MAPKAP1: variants seen among roughly 807,000 people sequenced by gnomAD.
MAPKAP1 encodes target of rapamycin complex 2 subunit MAPKAP1.
A neutral mutation model predicts 65.7 loss-of-function variants in MAPKAP1; 20 were observed. That is an observed-to-expected ratio of 0.30 (90% CI 0.21 to 0.44). The LOEUF is 0.44. Among genes scored for constraint, MAPKAP1 ranks in the 20% least tolerant of loss-of-function variants. The pLI, the probability that MAPKAP1 is intolerant of heterozygous loss-of-function variation, is 1.00. For missense variants in MAPKAP1, 423 were observed against 648.0 expected (o/e 0.65, Z 3.77); for synonymous variants, 222 against 244.3 (o/e 0.91, Z 0.85).
intron 4 of MAPKAP1, among the ~76,000 whole-genome samples, chr9:125,628,933 T>C (rs371320149): frequency 6.6e-6 from 1 of 152,188 alleles, no homozygotes; most frequent in East Asian, 1.9e-4. Context: ...AGGACTTGCA[T>C]AGATGTAAAA....
chr9:125,603,335 G>T (rs907850019), intron 4 of MAPKAP1, among the ~76,000 whole-genome samples: 6 of 152,154 alleles, frequency 3.9e-5, no homozygotes, highest in African/African-American at 1.4e-4. Flanking sequence ...TGGCTACCCA[G>T]GTGGCAGTAC....
At position 125,653,687 on chromosome 9, in the gene MAPKAP1, G is replaced by GT. The variant is rs1376301760; in HGVS notation, c.498+3963dup. On this transcript the variant is annotated intron_variant, in intron 4 of 11. Transcript: ENST00000265960. ...TAAGTAGCTAGACTGAAGTCACACC[G>GT]TAAGTGGAGCCATGGGGATTCGAAT... Among the ~76,000 whole-genome samples the GT allele has an allele frequency of 3.3e-5, 5 of 152,294 alleles. No homozygotes were observed. The East Asian group carries it at 9.6e-4, about 29-fold the overall frequency.
chr9:125,511,352 T>C (rs537756981), intron 7 of MAPKAP1, among the ~76,000 whole-genome samples: 2 of 152,324 alleles, frequency 1.3e-5, no homozygotes, highest in South Asian at 4.1e-4. Context: ...GTAAAGAGTT[T>C]ATAAACCCAC....
At chr9:125,630,886 G>A (rs1328685804) in intron 4 of MAPKAP1, among the ~76,000 whole-genome samples, 2 of 152,048 alleles carry the variant, frequency 1.3e-5, no homozygotes, top group Non-Finnish European at 2.9e-5. Flanking sequence ...CCAGGAGTTT[G>A]AGACCAGCCT....
chr9:125,655,957 T>C (rs1834022320), intron 4 of MAPKAP1, among the ~76,000 whole-genome samples: 1 of 152,190 alleles, frequency 6.6e-6, no homozygotes, highest in Non-Finnish European at 1.5e-5. Flanking sequence ...CTTCAGAAGT[T>C]AGATATATAC....
intron 4 of MAPKAP1, among the ~76,000 whole-genome samples, chr9:125,619,388 A>G (rs947467980): frequency 1.3e-5 from 2 of 152,180 alleles, no homozygotes; most frequent in African/African-American, 4.8e-5. Flanking sequence ...CATTTTGGAG[A>G]ATAGCTTGAA....
In MAPKAP1 at chr9:125,505,710, C is replaced by T. The variant is rs547478781; in HGVS notation, c.1066+600G>A. On this transcript the variant is annotated intron_variant, in intron 8 of 11. Coordinates refer to ENST00000265960, the MANE Select transcript of MAPKAP1 (RefSeq NM_001006617.3). ...GGAGCATTCCAGGTGGAAGAAATAGCCTGTGTAAAAGCCTCGAAGCAGGAA... is the reference window on the plus strand; with the variant it reads ...GGAGCATTCCAGGTGGAAGAAATAGTCTGTGTAAAAGCCTCGAAGCAGGAA... 4.6e-5 allele frequency among the ~76,000 whole-genome samples: 7 copies of T among 152,140 alleles called. No individual in the cohort carries two copies. In the South Asian group the frequency reaches 8.3e-4, roughly 18 times the overall value.
In MAPKAP1 at chr9:125,668,192, CAG is replaced by C. The variant is rs201161953; in HGVS notation, c.349+1624_349+1625del. Among the ~76,000 whole-genome samples, 33 of 152,304 alleles carry C rather than the reference CAG, an allele frequency of 2.2e-4. No homozygotes were observed. In the East Asian group the frequency reaches 6.0e-3, roughly 28 times the overall value. On this transcript the variant is annotated intron_variant, in intron 3 of 11. Transcript: ENST00000265960. ...AAGCACTTTACAGAGTGATTTAGCG[CAG>C]AGAGACTGGCCTTTATATGCAGGCA...
chr9:125,517,219 G>A (rs949052889), intron 7 of MAPKAP1, among the ~76,000 whole-genome samples: 1 of 152,178 alleles, frequency 6.6e-6, no homozygotes, highest in Non-Finnish European at 1.5e-5. Flanking sequence ...AGAATTGTAA[G>A]GTTTAGATGA....
intron 11 of MAPKAP1, among the ~76,000 whole-genome samples, chr9:125,442,396 T>C (rs1438791998): frequency 3.9e-5 from 6 of 152,296 alleles, no homozygotes; most frequent in African/African-American, 1.4e-4. Context: ...CTGCACTTGA[T>C]CTTCCACAGT....
intron 8 of MAPKAP1, among the ~76,000 whole-genome samples, chr9:125,500,391 C>T (rs1828939850): frequency 6.8e-6 from 1 of 147,520 alleles, no homozygotes; most frequent in South Asian, 2.2e-4. Flanking sequence ...GATGGGGTTT[C>T]ACCGTGTTAG....
chr9:125,593,138 T>C (rs1167231441), intron 4 of MAPKAP1, among the ~76,000 whole-genome samples: 1 of 151,136 alleles, frequency 6.6e-6, no homozygotes, highest in Non-Finnish European at 1.5e-5. Flanking sequence ...ATACTAAATA[T>C]ACTAAAAATA....
intron 4 of MAPKAP1, among the ~76,000 whole-genome samples, chr9:125,640,112 CT>C (rs1272696614): frequency 2.0e-5 from 3 of 150,808 alleles, no homozygotes; most frequent in African/African-American, 4.9e-5. Flanking sequence ...CTGTTTATCC[CT>C]TTTTTTTTGA....
In MAPKAP1 at chr9:125,543,705, T is replaced by C. The variant is rs190698586; in HGVS notation, c.849-537A>G. On this transcript the variant is annotated intron_variant, in intron 6 of 11. Coordinates refer to ENST00000265960, the MANE Select transcript of MAPKAP1 (RefSeq NM_001006617.3). ...AACGATTCTAGCGTGAGCAGTTCCA[T>C]GTGAGAGAGGTCACGCTTAGGGAAG... 3.3e-5 allele frequency among the ~76,000 whole-genome samples: 5 copies of C among 152,362 alleles called. No individual in the cohort carries two copies. The East Asian group carries it at 9.6e-4, about 29-fold the overall frequency.
chr9:125,667,975 G>T (rs988700805), intron 3 of MAPKAP1, among the ~76,000 whole-genome samples: 1 of 151,736 alleles, frequency 6.6e-6, no homozygotes, highest in African/African-American at 2.4e-5. Context: ...GTGAGATTTT[G>T]AAAGTATTCA....
intron 5 of MAPKAP1, among the ~76,000 whole-genome samples, chr9:125,566,321 T>C (rs1831049761): frequency 6.6e-6 from 1 of 152,150 alleles, no homozygotes; most frequent in Admixed American, 6.5e-5. Flanking sequence ...TCCTAGCACT[T>C]TGGGAGGTCA....
intron 4 of MAPKAP1, among the ~76,000 whole-genome samples, chr9:125,591,627 T>C (rs1275035171): frequency 6.6e-6 from 1 of 152,194 alleles, no homozygotes; most frequent in Admixed American, 6.5e-5. Context: ...GAAATGATGA[T>C]GGGAAAAGTG....
At chr9:125,493,000 T>G (rs1010553382) in intron 8 of MAPKAP1, among the ~76,000 whole-genome samples, 1 of 150,748 alleles carries the variant, frequency 6.6e-6, no homozygotes, top group Non-Finnish European at 1.5e-5. Context: ...GGAAAAAACA[T>G]AAAGTCCACA....
chr9:125,454,423 A>C (rs553902439), intron 10 of MAPKAP1, among the ~76,000 whole-genome samples: 1 of 152,388 alleles, frequency 6.6e-6, no homozygotes, highest in East Asian at 1.9e-4. Flanking sequence ...TCATCTATCC[A>C]GAATCACTGG....
Sources: gnomAD v4.1 joint callset for allele counts (sites outside exome capture counted in the v4.1 genomes callset) on GRCh38, gnomAD v4.1.1 for gene constraint, MANE v1.5 for transcripts, NCBI Gene and HGNC (gene_info 2026-07-23, HGNC 2026-07-21) for gene names.